SLC39A12: variants seen among roughly 807,000 people sequenced by gnomAD.
SLC39A12 encodes zinc transporter ZIP12.
Under a neutral mutation model 71.1 loss-of-function variants are expected in SLC39A12, and 63 were observed. The observed-to-expected ratio is 0.89, with a 90% CI of 0.72 to 1.09. The LOEUF (loss-of-function observed/expected upper bound fraction) is 1.09, where lower values mean the gene tolerates loss of function less well. Among genes scored for constraint, SLC39A12 ranks in the 50% least tolerant of loss-of-function variants. The probability of loss-of-function intolerance (pLI) is 0.00; values close to 1 mark genes in which losing one functional copy is unlikely to be tolerated. For synonymous variants in SLC39A12, 351 were observed against 301.3 expected (o/e 1.16, Z -1.71); for missense variants, 892 against 812.6 (o/e 1.10, Z -1.19).
At chr10:17,952,187 C>G (rs1048344977) in intron 1 of SLC39A12, among the ~76,000 whole-genome samples, 162 bp downstream of exon 1, 1 of 152,164 alleles carries the variant, frequency 6.6e-6, no homozygotes, top group Non-Finnish European at 1.5e-5. Context: ...GGGCCAGGAT[C>G]GGACATGAGA....
rs1564668151 is a variant in SLC39A12, at chr10:18,041,573, CA to C, written c.1948-1131del. ...ACACACACACGCACACATACACACA[CA>C]CATACATACACACACCATATATATG... On this transcript the variant is annotated intron_variant, in intron 12 of 12. Transcript: ENST00000377369. Among the ~76,000 whole-genome samples the C allele has an allele frequency of 2.2e-4, 25 of 114,268 alleles. 1 individual carries two copies. The highest frequency in any genetic ancestry group is 6.9e-4 in the African/African-American group (22 of 31,964). The allele number at this position is 114,268 out of a possible 152,430, so 75.0% of individuals were successfully genotyped here.
At chr10:17,955,911 C>T (rs1564636880) in intron 2 of SLC39A12, among the ~76,000 whole-genome samples, 2 of 152,178 alleles carry the variant, frequency 1.3e-5, no homozygotes, top group Non-Finnish European at 2.9e-5. Flanking sequence ...CATTCTACTT[C>T]AATAATTATG....
intron 11 of SLC39A12, chr10:18,002,575 C>T (rs1160492334): frequency 6.6e-6 from 1 of 152,054 alleles, no homozygotes; most frequent in African/African-American, 2.4e-5. Flanking sequence ...GTCTCAATCC[C>T]CCAAACTAAG....
At position 17,991,316 on chromosome 10, in the gene SLC39A12, G is replaced by T; in HGVS notation, c.1422+13G>T. The T allele has an allele frequency of 6.4e-7, 1 of 1,558,332 alleles. No individual in the cohort carries two copies. Among genetic ancestry groups the T allele is most frequent in the Non-Finnish European group, 8.6e-7 (1 of 1,158,192 alleles). On this transcript the variant is annotated intron_variant, in intron 8 of 12. Transcript: ENST00000377369. Reference sequence around the variant, plus strand: ...ACCAAATGACAAGGTATATTTTTAAGTTTTATTTGTCTTGTGCTTTAAAGT... The same window carrying T: ...ACCAAATGACAAGGTATATTTTTAATTTTTATTTGTCTTGTGCTTTAAAGT...
At chr10:17,965,404 A>T in intron 3 of SLC39A12, 79 bp from the exon 4 acceptor site, 2 of 1,303,238 alleles carry the variant, frequency 1.5e-6, no homozygotes, top group Non-Finnish European at 1.1e-6. Flanking sequence ...TTATCCCTTT[A>T]GGGGGAAATT....
At chr10:17,985,662 C>G (rs1017303575) in intron 6 of SLC39A12, among the ~76,000 whole-genome samples, 1 of 152,028 alleles carries the variant, frequency 6.6e-6, no homozygotes, top group African/African-American at 2.4e-5. Context: ...TATCTACAAG[C>G]AGATGAAAAT....
At chr10:18,017,576 A>C (rs1836421648) in intron 12 of SLC39A12, among the ~76,000 whole-genome samples, 1 of 152,164 alleles carries the variant, frequency 6.6e-6, no homozygotes. Context: ...AGAATGTAAG[A>C]CTGTGTCTAG....
chr10:17,971,793 C>A (rs1834981674), intron 4 of SLC39A12, among the ~76,000 whole-genome samples: 1 of 151,842 alleles, frequency 6.6e-6, no homozygotes, highest in Non-Finnish European at 1.5e-5. Context: ...CTTTTTGTTT[C>A]ATTGATCTTT....
intron 7 of SLC39A12, among the ~76,000 whole-genome samples, chr10:17,990,759 T>G (rs11011928): frequency 8.8e-4 from 134 of 152,282 alleles, no homozygotes; most frequent in Middle Eastern, 3.4e-3. Context: ...AATATAAAAT[T>G]TATTAATATT....
At chr10:18,001,709 G>A (rs1471600406) in intron 11 of SLC39A12, 2 of 152,108 alleles carry the variant, frequency 1.3e-5, no homozygotes, top group Non-Finnish European at 2.9e-5. Context: ...CATAGTGGTT[G>A]TATGTATTAA....
chr10:18,041,486 A>T (rs1301295821), intron 12 of SLC39A12, among the ~76,000 whole-genome samples: 1 of 147,676 alleles, frequency 6.8e-6, no homozygotes, highest in Non-Finnish European at 1.5e-5. Flanking sequence ...ACAGAGTGAG[A>T]CTCTGTCTCA....
intron 3 of SLC39A12, among the ~76,000 whole-genome samples, chr10:17,963,169 G>A (rs1216926611): frequency 4.0e-5 from 6 of 150,676 alleles, no homozygotes; most frequent in African/African-American, 1.2e-4. Context: ...TCTAAAAGAA[G>A]AAAAGCAGGA....
At chr10:17,966,088 A>C (rs1834819127) in intron 4 of SLC39A12, among the ~76,000 whole-genome samples, 1 of 152,244 alleles carries the variant, frequency 6.6e-6, no homozygotes, top group Admixed American at 6.5e-5. Context: ...TTTCCTTGCA[A>C]TCATGAAAGC....
chr10:18,042,682 C>G, intron 12 of SLC39A12, 23 bp from the exon 13 acceptor site: 3 of 1,594,244 alleles, frequency 1.9e-6, no homozygotes, highest in Non-Finnish European at 8.5e-7. Flanking sequence ...GGATCTTATT[C>G]TGGTTTTTTA....
At chr10:17,956,320 A>C (rs1564637037) in intron 2 of SLC39A12, among the ~76,000 whole-genome samples, 1 of 152,064 alleles carries the variant, frequency 6.6e-6, no homozygotes, top group Non-Finnish European at 1.5e-5. Flanking sequence ...CTCTGTGGGG[A>C]TCCCATGGAC....
chr10:17,970,343 A>G (rs1834935916), intron 4 of SLC39A12, among the ~76,000 whole-genome samples: 1 of 152,170 alleles, frequency 6.6e-6, no homozygotes, highest in African/African-American at 2.4e-5. Flanking sequence ...ATATTGTCAT[A>G]GGGATTGCAA....
intron 6 of SLC39A12, among the ~76,000 whole-genome samples, chr10:17,981,716 G>A (rs1373141721): frequency 1.3e-5 from 2 of 152,238 alleles, no homozygotes; most frequent in East Asian, 1.9e-4. Flanking sequence ...CAGCTGGGAA[G>A]TGATGGAGTT....
At chr10:18,042,607 T>G (rs1199167552) in intron 12 of SLC39A12, 98 bp from the exon 13 acceptor site, 2 of 1,242,248 alleles carry the variant, frequency 1.6e-6, no homozygotes, top group Non-Finnish European at 2.2e-6. Flanking sequence ...TTAAAGGTTA[T>G]TAAGTTCTGA....
At chr10:18,016,557 T>C (rs1189608232) in intron 12 of SLC39A12, among the ~76,000 whole-genome samples, 1 of 152,176 alleles carries the variant, frequency 6.6e-6, no homozygotes, top group Non-Finnish European at 1.5e-5. Context: ...GTTGAGGAAA[T>C]GCCAAGAAAT....
Sources: gnomAD v4.1 joint callset for allele counts (sites outside exome capture counted in the v4.1 genomes callset) on GRCh38, gnomAD v4.1.1 for gene constraint, MANE v1.5 for transcripts, NCBI Gene and HGNC (gene_info 2026-07-23, HGNC 2026-07-21) for gene names.